Variants in NCKAP1 observed in about 807,000 individuals in gnomAD.
NCKAP1 encodes the protein NCK associated protein 1.
A neutral mutation model predicts 151.2 loss-of-function variants in NCKAP1; 21 were observed. The ratio of observed to expected loss-of-function variants is 0.14; its 90% CI spans 0.10 to 0.20. NCKAP1 has a LOEUF of 0.20. Among genes scored for constraint, NCKAP1 ranks in the 10% least tolerant of loss-of-function variants. The probability of loss-of-function intolerance (pLI) is 1.00; values close to 1 mark genes in which losing one functional copy is unlikely to be tolerated. For missense variants in NCKAP1, 933 were observed against 1,352.1 expected (o/e 0.69, Z 4.86); for synonymous variants, 484 against 451.8 (o/e 1.07, Z -0.90).
At chr2:183,009,736 G>T (rs1292811990) in intron 2 of NCKAP1, among the ~76,000 whole-genome samples, 1 of 152,086 alleles carries the variant, frequency 6.6e-6, no homozygotes, top group Admixed American at 6.5e-5. Flanking sequence ...ATCTCCAGAT[G>T]GTTTTCATCT....
chr2:182,977,112 CAGA>C (rs779507361), intron 14 of NCKAP1, among the ~76,000 whole-genome samples, 161 bp from the exon 15 acceptor site: 2 of 152,140 alleles, frequency 1.3e-5, no homozygotes, highest in South Asian at 2.1e-4. Flanking sequence ...CCCATGTTCA[CAGA>C]AGAATTATTC....
intron 10 of NCKAP1, among the ~76,000 whole-genome samples, 156 bp downstream of exon 10, chr2:182,986,015 T>C (rs1575048374): frequency 6.6e-6 from 1 of 152,158 alleles, no homozygotes; most frequent in East Asian, 1.9e-4. Flanking sequence ...AGGTTCTACA[T>C]ATTGAGGCAA....
chr2:183,034,788 A>G lies in NCKAP1; in HGVS notation c.108+3204T>C, dbSNP rs578164190. Among the ~76,000 whole-genome samples, 6 of 152,292 alleles carry G rather than the reference A, an allele frequency of 3.9e-5. No homozygotes were observed. The South Asian group carries it at 1.2e-3, about 32-fold the overall frequency. The stretch of plus-strand genomic sequence containing the variant: ...GTTCAGTTATTGTTTAAAATGAAAC[A>G]TAATTTCTACTCTACTACTTCACCA... On this transcript the variant is annotated intron_variant, in intron 1 of 30. Coordinates refer to ENST00000361354, the MANE Select transcript of NCKAP1 (RefSeq NM_013436.5).
chr2:182,949,356 CACT>C (rs1697168901), intron 23 of NCKAP1, among the ~76,000 whole-genome samples: 1 of 152,150 alleles, frequency 6.6e-6, no homozygotes, highest in Non-Finnish European at 1.5e-5. Flanking sequence ...TCAGTTTCAC[CACT>C]GACTAAAATG....
intron 15 of NCKAP1, among the ~76,000 whole-genome samples, 182 bp downstream of exon 15, chr2:182,976,711 G>A (rs1031313740): frequency 6.6e-6 from 1 of 151,766 alleles, no homozygotes; most frequent in East Asian, 1.9e-4. Context: ...ACTCATATTG[G>A]CTTAAGTTAT....
intron 24 of NCKAP1, among the ~76,000 whole-genome samples, chr2:182,939,032 G>A (rs763807355): frequency 3.9e-5 from 6 of 152,186 alleles, no homozygotes; most frequent in Non-Finnish European, 8.8e-5. Flanking sequence ...GCAACTTATA[G>A]GTTTGTAGAT....
chr2:182,970,341 C>G (rs1408245780), intron 15 of NCKAP1, among the ~76,000 whole-genome samples: 1 of 152,198 alleles, frequency 6.6e-6, no homozygotes, highest in South Asian at 2.1e-4. Flanking sequence ...TCATCACTTA[C>G]GAACATAGAT....
intron 1 of NCKAP1, among the ~76,000 whole-genome samples, chr2:183,028,915 C>T (rs925752722): frequency 2.0e-5 from 3 of 150,314 alleles, no homozygotes; most frequent in Admixed American, 6.6e-5. Flanking sequence ...AGTTCAAGAC[C>T]AGCCTAGCCA....
chr2:183,016,260 T>C (rs1316311877), intron 2 of NCKAP1, among the ~76,000 whole-genome samples: 2 of 152,164 alleles, frequency 1.3e-5, no homozygotes, highest in African/African-American at 4.8e-5. Context: ...TTAAATCACT[T>C]TAGGTAGGTC....
At chr2:183,031,112 T>C (rs1698996232) in intron 1 of NCKAP1, among the ~76,000 whole-genome samples, 1 of 152,212 alleles carries the variant, frequency 6.6e-6, no homozygotes, top group Admixed American at 6.5e-5. Context: ...GAGCCAATAA[T>C]TGAGATCTAA....
intron 13 of NCKAP1, among the ~76,000 whole-genome samples, chr2:182,980,750 AC>A (rs1196621178): frequency 5.3e-5 from 8 of 152,270 alleles, no homozygotes; most frequent in Middle Eastern, 3.4e-3. Context: ...ATACTTAATT[AC>A]CAATTATATT....
At position 182,956,453 on chromosome 2, in the gene NCKAP1, C is replaced by T; in HGVS notation, c.2153+9G>A. On this transcript the variant is annotated intron_variant, in intron 20 of 30. Coordinates refer to ENST00000361354, the MANE Select transcript of NCKAP1 (RefSeq NM_013436.5). ...TCAACAAACAAAAACAGTCAATATT[C>T]TTTCTTACTTGGTAAAGCGTATTTC... The T allele has an allele frequency of 1.2e-6, 2 of 1,607,724 alleles. No homozygotes were observed. The highest frequency in any genetic ancestry group is 1.7e-6 in the Non-Finnish European group (2 of 1,177,470).
chr2:182,985,183 A>G (rs1377949325), intron 10 of NCKAP1, among the ~76,000 whole-genome samples: 1 of 152,194 alleles, frequency 6.6e-6, no homozygotes. Context: ...AATTCCCAAT[A>G]TCTTATAGCC....
chr2:182,962,019 T>A (rs1697464125), intron 18 of NCKAP1, 140 bp downstream of exon 18: 1 of 797,986 alleles, frequency 1.3e-6, no homozygotes. Flanking sequence ...TACCTGTTAA[T>A]GGAGTTTCAC....
chr2:183,003,379 T>C, intron 2 of NCKAP1, 54 bp from the exon 3 acceptor site: 1 of 1,039,784 alleles, frequency 9.6e-7, no homozygotes, highest in South Asian at 1.4e-5. Flanking sequence ...GTATTTAATT[T>C]TACTACAAAC....
rs566494081 is a variant in NCKAP1, at chr2:182,962,398, G to A, written c.1762-120C>T. Reference sequence around the variant, plus strand: ...GTACATTCCGCAATAGTGAGGGTGGGAGATGTTAAAAATTGCTTTTGCCTC... The same window carrying A: ...GTACATTCCGCAATAGTGAGGGTGGAAGATGTTAAAAATTGCTTTTGCCTC... On this transcript the variant is annotated intron_variant, in intron 17 of 30. Coordinates refer to ENST00000361354, the MANE Select transcript of NCKAP1 (RefSeq NM_013436.5). The A allele has an allele frequency of 1.4e-4, 134 of 951,394 alleles. 1 individual carries two copies. In the South Asian group the frequency reaches 1.5e-3, roughly 11 times the overall value. 58.9% of individuals were successfully genotyped at this position (951,394 alleles called of 1,614,324 possible).
chr2:182,910,144 G>A lies in NCKAP1; in HGVS notation c.*15558C>T, dbSNP rs139642362. ...TCAGACTCTACTATCTTGGAGGACT[G>A]CAGGTGCCCTGGTAGCCAAAAGGGC... On this transcript the variant is annotated 3_prime_UTR_variant, in exon 31 of 31. Transcript: ENST00000361354. The A allele has an allele frequency of 3.9e-5, 6 of 152,348 alleles. No individual in the cohort carries two copies. The highest frequency in any genetic ancestry group is 1.4e-4 in the African/African-American group (6 of 41,558). The allele number at this position is 152,348 out of a possible 1,614,324, so 9.4% of individuals were successfully genotyped here.
chr2:183,024,922 G>A, intron 1 of NCKAP1: 2 of 1,593,594 alleles, frequency 1.3e-6, no homozygotes, highest in Non-Finnish European at 1.7e-6. Context: ...TATGAAACAT[G>A]AAACTGATCT....
At chr2:182,987,309 T>C (rs1310085509) in intron 9 of NCKAP1, among the ~76,000 whole-genome samples, 3 of 152,096 alleles carry the variant, frequency 2.0e-5, no homozygotes, top group Admixed American at 1.3e-4. Flanking sequence ...CCAACTTCTA[T>C]GTTTAAGTGG....
Sources: allele counts gnomAD v4.1 joint callset (sites outside exome capture counted in the v4.1 genomes callset), GRCh38; gene constraint gnomAD v4.1.1; transcripts MANE v1.5; gene names NCBI Gene and HGNC (gene_info 2026-07-23, HGNC 2026-07-21).